The following USH2A variants were observed in gnomAD, a reference collection of about 807,000 sequenced individuals.
USH2A encodes usherin.
USH2A carries 443 observed loss-of-function variants against 538.9 expected under a neutral mutation model. The observed-to-expected ratio is 0.82, with a 90% confidence interval of 0.76 to 0.89. The LOEUF (loss-of-function observed/expected upper bound fraction) is 0.89. USH2A is among the 40% of genes least tolerant of loss of function. USH2A has a pLI of 0.00. For missense variants in USH2A, 6,633 were observed against 6,324.8 expected (o/e 1.05, Z -1.65); for synonymous variants, 2,413 against 2,273.5 (o/e 1.06, Z -1.75).
intron 71 of USH2A, 95 bp downstream of exon 71, chr1:215,628,719 G>T (rs1656148589): frequency 7.6e-7 from 1 of 1,309,658 alleles, no homozygotes; most frequent in African/African-American, 1.4e-5. Flanking sequence ...AGAGGCGAGT[G>T]CCATGGGGCA....
intron 55 of USH2A, among the ~76,000 whole-genome samples, chr1:215,771,578 T>TCAAAAAAAAAAA (rs1661287449): frequency 4.5e-5 from 1 of 22,062 alleles, no homozygotes; most frequent in African/African-American, 1.7e-4. Context: ...AGACTCCGTC[T>TCAAAAAAAAAAA]CAAAAAAAAA....
At chr1:215,803,273 T>C (rs937457935) in intron 49 of USH2A, among the ~76,000 whole-genome samples, 1 of 152,144 alleles carries the variant, frequency 6.6e-6, no homozygotes, top group Non-Finnish European at 1.5e-5. Context: ...GGGTTGGAAG[T>C]TCTGGCCAGG....
intron 21 of USH2A, among the ~76,000 whole-genome samples, chr1:216,153,732 A>C (rs1325183486): frequency 6.6e-6 from 1 of 152,212 alleles, no homozygotes; most frequent in Admixed American, 6.5e-5. Flanking sequence ...AAAAACCCTC[A>C]AAATAGGATA....
At chr1:216,190,058 T>TA (rs1309605132) in intron 20 of USH2A, among the ~76,000 whole-genome samples, 165 bp downstream of exon 20, 1 of 152,004 alleles carries the variant, frequency 6.6e-6, no homozygotes, top group Non-Finnish European at 1.5e-5. Flanking sequence ...CTCTTTAAGT[T>TA]ACGTTTTGGT....
chr1:216,345,367 G>A (rs2038154666), intron 4 of USH2A, among the ~76,000 whole-genome samples: 1 of 152,010 alleles, frequency 6.6e-6, no homozygotes, highest in South Asian at 2.1e-4. Flanking sequence ...GCTCTGGCCA[G>A]GACAGAAAAA....
intron 70 of USH2A, 40 bp downstream of exon 70, chr1:215,634,419 C>A: frequency 6.2e-7 from 1 of 1,613,858 alleles, no homozygotes; most frequent in South Asian, 1.1e-5. Context: ...GTATTCTAGT[C>A]CAGTGATAGG....
At chr1:215,697,001 G>A (rs1450107229) in intron 61 of USH2A, among the ~76,000 whole-genome samples, 2 of 151,914 alleles carry the variant, frequency 1.3e-5, no homozygotes, top group African/African-American at 2.4e-5. Context: ...CACTCAGGCT[G>A]GGGTGCAGTG....
chr1:216,243,955 T>A (rs552371387), intron 13 of USH2A, among the ~76,000 whole-genome samples: 2 of 152,226 alleles, frequency 1.3e-5, no homozygotes, highest in South Asian at 4.1e-4. Flanking sequence ...CTCTTCAAGG[T>A]CATATAATAA....
chr1:215,651,557 T>C (rs903677852), intron 64 of USH2A, among the ~76,000 whole-genome samples: 3 of 152,104 alleles, frequency 2.0e-5, no homozygotes, highest in African/African-American at 7.2e-5. Context: ...TCTCATTGTG[T>C]TTCTTCTACA....
Position 215,897,175 on chromosome 1 carries a change from C to T in USH2A, c.7594+2900G>A, listed in dbSNP as rs574384578. 4.6e-5 allele frequency among the ~76,000 whole-genome samples: 7 copies of T among 152,250 alleles called. No individual in the cohort carries two copies. In the South Asian group the frequency reaches 1.5e-3, roughly 32 times the overall value. ...TAGCTCATTGCCTGCCTAGATTTCT[C>T]TTTGTGGTTTCACCTGTGTCACAGG... On this transcript the variant is annotated intron_variant, in intron 40 of 71. Transcript: ENST00000307340.
intron 61 of USH2A, among the ~76,000 whole-genome samples, chr1:215,718,837 G>C (rs2102704943): frequency 1.3e-5 from 2 of 152,342 alleles, no homozygotes; most frequent in East Asian, 1.9e-4. Context: ...GCCATTTACA[G>C]CTTGCTGTCT....
intron 42 of USH2A, among the ~76,000 whole-genome samples, 159 bp from the exon 43 acceptor site, chr1:215,878,039 G>T (rs79952600): frequency 0.04 from 5,978 of 149,990 alleles, 162 homozygotes; most frequent in East Asian, 0.14. Context: ...TCAGATGAAC[G>T]TTTTTTTTTC....
intron 61 of USH2A, among the ~76,000 whole-genome samples, chr1:215,692,095 G>A (rs4486423): frequency 0.2 from 29,674 of 152,132 alleles, 3,192 homozygotes; most frequent in South Asian, 0.47. Context: ...AGTGTGGTAA[G>A]CAGTGTCAAA....
At chr1:216,242,147 C>T (rs2035950477) in intron 13 of USH2A, among the ~76,000 whole-genome samples, 1 of 150,146 alleles carries the variant, frequency 6.7e-6, no homozygotes, top group African/African-American at 2.5e-5. Flanking sequence ...GTCAGGAGAT[C>T]GAGACCATCC....
intron 71 of USH2A, among the ~76,000 whole-genome samples, chr1:215,627,104 G>A (rs752185102): frequency 2.6e-5 from 4 of 152,054 alleles, no homozygotes; most frequent in Non-Finnish European, 5.9e-5. Context: ...CCAGAAGGAT[G>A]GTACATTTTT....
intron 12 of USH2A, among the ~76,000 whole-genome samples, 172 bp from the exon 13 acceptor site, chr1:216,247,398 A>C: frequency 6.6e-6 from 1 of 152,206 alleles, no homozygotes; most frequent in East Asian, 1.9e-4. Context: ...ACAATATTTA[A>C]TTTAGCTTTA....
chr1:215,885,921 T>C (rs1665040573), intron 41 of USH2A, among the ~76,000 whole-genome samples: 1 of 152,164 alleles, frequency 6.6e-6, no homozygotes, highest in Admixed American at 6.5e-5. Flanking sequence ...TTTGTTCTTC[T>C]CCCCCAAGTC....
intron 20 of USH2A, among the ~76,000 whole-genome samples, chr1:216,178,111 C>T (rs945868401): frequency 2.6e-5 from 4 of 152,118 alleles, no homozygotes; most frequent in Non-Finnish European, 2.9e-5. Context: ...TTTAGACCTT[C>T]GGCCAGCTTT....
chr1:215,677,337 T>C (rs1204191550), intron 62 of USH2A, among the ~76,000 whole-genome samples: 1 of 152,200 alleles, frequency 6.6e-6, no homozygotes, highest in Non-Finnish European at 1.5e-5. Context: ...CTCTACTGGT[T>C]ATTTCTATTC....
Sources: gnomAD v4.1 joint callset for allele counts (sites outside exome capture counted in the v4.1 genomes callset) on GRCh38, gnomAD v4.1.1 for gene constraint, MANE v1.5 for transcripts, NCBI Gene and HGNC (gene_info 2026-07-23, HGNC 2026-07-21) for gene names.